Variants in MCHR2 observed in about 807,000 individuals in gnomAD.
MCHR2 encodes melanin concentrating hormone receptor 2.
A neutral mutation model predicts 24.8 loss-of-function variants in MCHR2; 15 were observed. The observed-to-expected ratio is 0.60, with a 90% confidence interval of 0.40 to 0.93. The LOEUF is 0.93. Among genes scored for constraint, MCHR2 ranks in the 40% least tolerant of loss-of-function variants. The probability of loss-of-function intolerance (pLI) is 0.00; values close to 1 mark genes in which losing one functional copy is unlikely to be tolerated. For synonymous variants in MCHR2, 151 were observed against 147.6 expected, an observed-to-expected ratio of 1.02 and a Z score of -0.17; for missense variants, 386 against 408.7, an observed-to-expected ratio of 0.94 and a Z score of 0.48.
At chr6:99,971,604 G>A (rs998489156) in intron 1 of MCHR2, among the ~76,000 whole-genome samples, 116 of 152,120 alleles carry the variant, frequency 7.6e-4, no homozygotes, top group Non-Finnish European at 4.1e-4. Context: ...TATGTTGAAT[G>A]GGAGTGGTGA....
intron 1 of MCHR2, among the ~76,000 whole-genome samples, chr6:99,986,815 A>T (rs114857950): frequency 6.6e-6 from 1 of 150,954 alleles, no homozygotes; most frequent in Non-Finnish European, 1.5e-5. Context: ...ATATACATGG[A>T]CCCTTAAGTA....
Position 99,934,468 on chromosome 6 carries a change from T to G in MCHR2, c.637A>C (p.Ile213Leu). Residue 213 changes from isoleucine (I) to leucine (L), a missense_variant, in exon 5 of 6, where the codon ATT (isoleucine) becomes CTT (leucine). Ile to Leu is a conservative substitution (Grantham distance 5, BLOSUM62 2). Coordinates refer to ENST00000281806, the MANE Select transcript of MCHR2 (RefSeq NM_001040179.2). Reference sequence around the variant, plus strand: ...AAAATTAAAATATAGCACACCAAAATCAAGGGTAGAGGGAAAAAAAAAGTT... The same window carrying G: ...AAAATTAAAATATAGCACACCAAAAGCAAGGGTAGAGGGAAAAAAAAAGTT... Reference protein sequence around the residue: ...ITTFFFPLPLILVCYILILCY... With the variant: ...ITTFFFPLPLLLVCYILILCY... 1 of 1,600,604 alleles carries G rather than the reference T, an allele frequency of 6.2e-7. No individual in the cohort carries two copies. Among genetic ancestry groups the G allele is most frequent in the South Asian group, 1.1e-5 (1 of 89,110 alleles).
chr6:99,987,481 A>G (rs758729791), intron 1 of MCHR2, among the ~76,000 whole-genome samples: 1 of 152,172 alleles, frequency 6.6e-6, no homozygotes. Context: ...CTACAATTAA[A>G]TACATTCCAT....
chr6:99,927,945 C>T (rs1388177469), intron 5 of MCHR2, among the ~76,000 whole-genome samples: 1 of 152,082 alleles, frequency 6.6e-6, no homozygotes, highest in East Asian at 1.9e-4. Flanking sequence ...CCAGTTTTTG[C>T]CCATTCAGTA....
chr6:99,938,515 C>G (rs1431036158), intron 4 of MCHR2, among the ~76,000 whole-genome samples: 2 of 152,010 alleles, frequency 1.3e-5, no homozygotes, highest in Non-Finnish European at 2.9e-5. Flanking sequence ...CAAGGTTGCT[C>G]TTGTTATTGA....
chr6:99,921,095 G>A lies in MCHR2; in HGVS notation c.868C>T (p.Leu290Phe), dbSNP rs201692578. Residue 290 changes from leucine (L) to phenylalanine (F), a missense_variant, in exon 6 of 6, where the codon CTC becomes TTC. Transcript: ENST00000281806. ...CTGGCATAGCTGAGACAGATGGAGA[G>A]GTAATAACCCACATAGAAGGCCAGT... is the stretch of plus-strand genomic sequence containing the variant. ...PTLAFYVGYY[L>F]SICLSYASSS... 881 of 1,614,164 alleles carry A rather than the reference G, an allele frequency of 5.5e-4. 5 individuals are homozygous for A. The South Asian group carries it at 9.1e-3, about 17-fold the overall frequency.
chr6:99,949,532 A>G (rs1182585985), intron 2 of MCHR2, among the ~76,000 whole-genome samples: 1 of 152,144 alleles, frequency 6.6e-6, no homozygotes, highest in Non-Finnish European at 1.5e-5. Context: ...TACAACTTCT[A>G]TAGCCTGTGA....
chr6:99,979,684 T>C (rs1254616775), intron 1 of MCHR2, among the ~76,000 whole-genome samples: 1 of 152,234 alleles, frequency 6.6e-6, no homozygotes, highest in East Asian at 1.9e-4. Context: ...GTGATTTGTA[T>C]TTGTTCCTCC....
At chr6:99,924,764 T>C (rs1406531221) in intron 5 of MCHR2, among the ~76,000 whole-genome samples, 1 of 152,112 alleles carries the variant, frequency 6.6e-6, no homozygotes, top group Non-Finnish European at 1.5e-5. Context: ...TCAGAGAAGA[T>C]GTTTGGTATT....
chr6:99,979,512 A>G (rs1775623832), intron 1 of MCHR2, among the ~76,000 whole-genome samples: 1 of 152,230 alleles, frequency 6.6e-6, no homozygotes. Flanking sequence ...AAGACTAAGT[A>G]TAAAAAATGT....
At chr6:99,991,189 G>A (rs1775867289) in intron 1 of MCHR2, among the ~76,000 whole-genome samples, 1 of 152,008 alleles carries the variant, frequency 6.6e-6, no homozygotes, top group Non-Finnish European at 1.5e-5. Flanking sequence ...ATGGGGCCCA[G>A]GACCTCCACA....
intron 2 of MCHR2, 70 bp from the exon 3 acceptor site, chr6:99,948,041 T>C (rs1774905839): frequency 1.4e-5 from 19 of 1,318,862 alleles, no homozygotes; most frequent in Non-Finnish European, 2.0e-5. Flanking sequence ...TGCTACCTCA[T>C]ACAAATTTTT....
chr6:99,948,983 G>A (rs1774922770), intron 2 of MCHR2, among the ~76,000 whole-genome samples: 1 of 152,114 alleles, frequency 6.6e-6, no homozygotes. Context: ...GGAGCCGGGG[G>A]TGGGAGAAGT....
intron 1 of MCHR2, among the ~76,000 whole-genome samples, chr6:99,970,269 G>T (rs896927159): frequency 1.2e-4 from 18 of 152,164 alleles, no homozygotes; most frequent in East Asian, 3.9e-4. Flanking sequence ...GTGTGAGATG[G>T]TATCTCATTG....
chr6:99,976,892 C>T (rs370761033), intron 1 of MCHR2, among the ~76,000 whole-genome samples: 29 of 152,346 alleles, frequency 1.9e-4, no homozygotes, highest in African/African-American at 7.0e-4. Flanking sequence ...GCCTCACACG[C>T]TTGCTGGCCC....
At chr6:99,980,868 T>A (rs763582859) in intron 1 of MCHR2, among the ~76,000 whole-genome samples, 11 of 152,178 alleles carry the variant, frequency 7.2e-5, no homozygotes, top group African/African-American at 9.6e-5. Context: ...AGAAAAGATA[T>A]ATCCATTCAG....
At chr6:99,954,519 C>G (rs963805741) in intron 2 of MCHR2, among the ~76,000 whole-genome samples, 1 of 152,108 alleles carries the variant, frequency 6.6e-6, no homozygotes, top group Non-Finnish European at 1.5e-5. Flanking sequence ...TAACACACAG[C>G]GTCTCCAAGG....
At position 99,972,293 on chromosome 6, in the gene MCHR2, G is replaced by A. The variant is rs560965562; in HGVS notation, c.-27-16119C>T. 5.8e-3 allele frequency among the ~76,000 whole-genome samples: 880 copies of A among 152,148 alleles called. 28 individuals carry two copies. In the East Asian group the frequency reaches 0.1, roughly 18 times the overall value. Reference sequence around the variant, plus strand: ...CTTCTTCCTGGTTTAGTCTTGGGAGGGTGTATGTGTCGAGGAATTTATCCA... The same window carrying A: ...CTTCTTCCTGGTTTAGTCTTGGGAGAGTGTATGTGTCGAGGAATTTATCCA... On this transcript the variant is annotated intron_variant, in intron 1 of 5. Transcript: ENST00000281806.
intron 1 of MCHR2, among the ~76,000 whole-genome samples, chr6:99,958,842 C>T (rs751408188): frequency 7.9e-5 from 12 of 152,168 alleles, no homozygotes; most frequent in Non-Finnish European, 1.8e-4. Flanking sequence ...GAGCACATGT[C>T]CATTGTTCTA....
Sources: allele counts gnomAD v4.1 joint callset (sites outside exome capture counted in the v4.1 genomes callset), GRCh38; gene constraint gnomAD v4.1.1; transcripts MANE v1.5; gene names NCBI Gene and HGNC (gene_info 2026-07-23, HGNC 2026-07-21).